The following CNTN4 variants were observed in gnomAD, a reference collection of about 807,000 sequenced individuals.
The protein encoded by CNTN4 is contactin-4.
Under a neutral mutation model 122.5 loss-of-function variants are expected in CNTN4, and 77 were observed. That is an observed-to-expected ratio of 0.63 (90% CI 0.52 to 0.76). The LOEUF is 0.76. Among genes scored for constraint, CNTN4 ranks in the 30% least tolerant of loss-of-function variants. CNTN4 has a pLI of 0.00. For missense variants in CNTN4, 1,256 were observed against 1,259.1 expected, an observed-to-expected ratio of 1.00 and a Z score of 0.04; for synonymous variants, 512 against 447.0, an observed-to-expected ratio of 1.15 and a Z score of -1.83.
chr3:2,981,959 A>G (rs1694065642), intron 13 of CNTN4, among the ~76,000 whole-genome samples: 1 of 152,116 alleles, frequency 6.6e-6, no homozygotes, highest in African/African-American at 2.4e-5. Context: ...AATCGCATGT[A>G]CCCAGGAGTT....
At chr3:2,696,845 C>T (rs2086062106) in intron 4 of CNTN4, among the ~76,000 whole-genome samples, 1 of 142,344 alleles carries the variant, frequency 7.0e-6, no homozygotes, top group Admixed American at 7.3e-5. Context: ...AGTTGTGTCT[C>T]ATGAATTATT....
rs370144488 is a variant in CNTN4 at position 3,009,554 on chromosome 3, T to C, written c.1487-16548T>C. 1.7e-3 allele frequency among the ~76,000 whole-genome samples: 254 copies of C among 150,028 alleles called. 1 individual carries two copies. Among genetic ancestry groups the C allele is most frequent in the South Asian group, 8.1e-3 (38 of 4,704 alleles). On this transcript the variant is annotated intron_variant, in intron 14 of 24. Coordinates refer to ENST00000418658, the MANE Select transcript of CNTN4 (RefSeq NM_175607.3). ...GTTCCCGCCATTCTCCTGCCTCAGC[T>C]TCCCGAGTAGCTGGGACTACAGGCG...
intron 12 of CNTN4, among the ~76,000 whole-genome samples, chr3:2,919,615 C>T (rs1271424830): frequency 6.6e-6 from 1 of 152,142 alleles, no homozygotes; most frequent in Non-Finnish European, 1.5e-5. Context: ...GTTCATTTAG[C>T]AGACTTCGCA....
At chr3:2,308,101 T>C (rs968847264) in intron 2 of CNTN4, among the ~76,000 whole-genome samples, 2 of 152,142 alleles carry the variant, frequency 1.3e-5, no homozygotes, top group African/African-American at 2.4e-5. Context: ...ATTCAGATTT[T>C]CTGTTTCTTC....
At chr3:2,785,138 C>CACACATAT (rs140652217) in intron 6 of CNTN4, among the ~76,000 whole-genome samples, 4 of 136,184 alleles carry the variant, frequency 2.9e-5, no homozygotes, top group African/African-American at 1.1e-4. Flanking sequence ...CACACACACA[C>CACACATAT]ATATATATAG....
intron 4 of CNTN4, among the ~76,000 whole-genome samples, chr3:2,712,033 G>T (rs1576539431): frequency 1.3e-5 from 2 of 152,170 alleles, no homozygotes; most frequent in East Asian, 3.9e-4. Flanking sequence ...CATCTACTCT[G>T]GCTGCTAATG....
chr3:2,397,731 T>A (rs1328219200), intron 3 of CNTN4, among the ~76,000 whole-genome samples: 2 of 152,184 alleles, frequency 1.3e-5, no homozygotes, highest in Admixed American at 6.5e-5. Flanking sequence ...TATGCTAAAG[T>A]AAATGTGTTC....
intron 3 of CNTN4, among the ~76,000 whole-genome samples, chr3:2,456,771 C>G (rs1262074348): frequency 6.6e-6 from 1 of 152,050 alleles, no homozygotes; most frequent in Non-Finnish European, 1.5e-5. Flanking sequence ...ATTCGTCTAT[C>G]TATGGACGCT....
intron 4 of CNTN4, among the ~76,000 whole-genome samples, chr3:2,684,424 A>G (rs1162609504): frequency 6.6e-6 from 1 of 152,180 alleles, no homozygotes; most frequent in Non-Finnish European, 1.5e-5. Flanking sequence ...ACAAAGTGGT[A>G]TAAAATGCTT....
intron 4 of CNTN4, among the ~76,000 whole-genome samples, chr3:2,722,366 A>T (rs1018464856): frequency 4.6e-5 from 7 of 152,178 alleles, no homozygotes; most frequent in African/African-American, 1.7e-4. Flanking sequence ...TGAATGAAAG[A>T]TGTTAATCCA....
intron 2 of CNTN4, among the ~76,000 whole-genome samples, chr3:2,276,450 A>C (rs1260857013): frequency 6.6e-6 from 1 of 152,182 alleles, no homozygotes; most frequent in African/African-American, 2.4e-5. Flanking sequence ...CTGGGATTAC[A>C]GGCGTGAGCC....
chr3:2,847,978 GT>G (rs1280113781), intron 7 of CNTN4, among the ~76,000 whole-genome samples: 2 of 152,166 alleles, frequency 1.3e-5, no homozygotes, highest in Admixed American at 6.5e-5. Context: ...CTAGCACAGG[GT>G]TGGGCACAGT....
At chr3:2,605,758 C>G (rs1346725054) in intron 4 of CNTN4, among the ~76,000 whole-genome samples, 1 of 152,182 alleles carries the variant, frequency 6.6e-6, no homozygotes. Context: ...ATTTATACCA[C>G]AAAACCAACC....
intron 2 of CNTN4, among the ~76,000 whole-genome samples, chr3:2,193,769 G>A (rs1337807206): frequency 2.0e-5 from 3 of 152,002 alleles, no homozygotes; most frequent in African/African-American, 2.4e-5. Flanking sequence ...TATTTTTACT[G>A]TATCTTTTCT....
intron 2 of CNTN4, among the ~76,000 whole-genome samples, chr3:2,314,842 ACAAT>A (rs1172065092): frequency 6.6e-6 from 1 of 152,028 alleles, no homozygotes; most frequent in Non-Finnish European, 1.5e-5. Flanking sequence ...CAAAATATGA[ACAAT>A]CAATTTTGAA....
chr3:2,647,892 G>A (rs1348829759), intron 4 of CNTN4, among the ~76,000 whole-genome samples: 1 of 152,128 alleles, frequency 6.6e-6, no homozygotes, highest in African/African-American at 2.4e-5. Flanking sequence ...GGTCACTTTA[G>A]GAGAGACATT....
chr3:3,041,940 C>T (rs1700202052), intron 20 of CNTN4, among the ~76,000 whole-genome samples: 1 of 152,170 alleles, frequency 6.6e-6, no homozygotes. Flanking sequence ...GCCTAGGTGA[C>T]AGAGTGAGAC....
At chr3:2,729,405 C>T (rs966980403) in intron 4 of CNTN4, among the ~76,000 whole-genome samples, 7 of 149,928 alleles carry the variant, frequency 4.7e-5, no homozygotes, top group South Asian at 2.1e-4. Context: ...ATTAGCCGGG[C>T]GTGGTGGCAG....
At chr3:2,123,848 G>C (rs975941187) in intron 2 of CNTN4, among the ~76,000 whole-genome samples, 4 of 152,214 alleles carry the variant, frequency 2.6e-5, no homozygotes, top group African/African-American at 7.2e-5. Flanking sequence ...TGGTCATCCT[G>C]ACTCTCTAAG....
Sources: allele counts gnomAD v4.1 joint callset (sites outside exome capture counted in the v4.1 genomes callset), GRCh38; gene constraint gnomAD v4.1.1; transcripts MANE v1.5; gene names NCBI Gene and HGNC (gene_info 2026-07-23, HGNC 2026-07-21).